The following SCN10A variants were observed in gnomAD, a reference collection of about 807,000 sequenced individuals.
SCN10A encodes sodium voltage-gated channel alpha subunit 10, also known as sodium channel protein type 10 subunit alpha.
A neutral mutation model predicts 170.7 loss-of-function variants in SCN10A; 162 were observed. The observed-to-expected ratio is 0.95, with a 90% CI of 0.84 to 1.08. SCN10A has a LOEUF of 1.08. Among genes scored for constraint, SCN10A ranks in the 50% least tolerant of loss-of-function variants. The probability of loss-of-function intolerance (pLI) is 0.00; values close to 1 mark genes in which losing one functional copy is unlikely to be tolerated. For missense variants in SCN10A, 2,527 were observed against 2,436.9 expected (o/e 1.04, Z -0.78); for synonymous variants, 985 against 904.6 (o/e 1.09, Z -1.59).
intron 5 of SCN10A, among the ~76,000 whole-genome samples, chr3:38,764,734 A>G (rs1420759718): frequency 6.6e-6 from 1 of 152,210 alleles, no homozygotes; most frequent in African/African-American, 2.4e-5. Context: ...GATACCCAGT[A>G]GTGGGATTGC....
intron 1 of SCN10A, among the ~76,000 whole-genome samples, chr3:38,814,649 T>A (rs1043898647): frequency 6.6e-6 from 1 of 152,246 alleles, no homozygotes; most frequent in Non-Finnish European, 1.5e-5. Context: ...TGTAGGTATG[T>A]GCTCTTTCAT....
At chr3:38,789,697 G>C (rs55791366) in intron 3 of SCN10A, among the ~76,000 whole-genome samples, 15,905 of 152,042 alleles carry the variant, frequency 0.1, 928 homozygotes, top group Non-Finnish European at 0.12. Context: ...GATTAGGCTG[G>C]AGTGGAGAAC....
intron 15 of SCN10A, among the ~76,000 whole-genome samples, chr3:38,730,610 T>C (rs2063504558): frequency 6.6e-6 from 1 of 151,938 alleles, no homozygotes; most frequent in Non-Finnish European, 1.5e-5. Context: ...ATATAATATG[T>C]TAAAGAAATA....
rs2063400844 is a variant in SCN10A, at chr3:38,722,418, G to A, written c.3353-6C>T. 4 of 1,612,670 alleles carry A rather than the reference G, an allele frequency of 2.5e-6. 1 individual carries two copies. The highest frequency in any genetic ancestry group is 3.4e-6 in the Non-Finnish European group (4 of 1,179,314). The stretch of plus-strand genomic sequence containing the variant: ...GGGACAGTGGCGAATGCATCCTGTG[G>A]GGAGAGGTGACTGATGGTGGGTGAT... On this transcript the variant is annotated splice_region_variant and splice_polypyrimidine_tract_variant and intron_variant, in intron 19 of 27. Transcript: ENST00000449082.
At chr3:38,761,409 C>T in intron 6 of SCN10A, 26 bp from the exon 7 acceptor site, 3 of 1,597,586 alleles carry the variant, frequency 1.9e-6, no homozygotes, top group South Asian at 1.1e-5. Context: ...AGTGGTATGA[C>T]CACATGGATG....
chr3:38,798,326 G>A (rs1202153191), intron 1 of SCN10A, among the ~76,000 whole-genome samples: 1 of 152,132 alleles, frequency 6.6e-6, no homozygotes, highest in African/African-American at 2.4e-5. Flanking sequence ...ACTTACTTCA[G>A]TGGCCAGAGA....
chr3:38,773,356 C>G (rs930985299), intron 4 of SCN10A, among the ~76,000 whole-genome samples: 1 of 151,850 alleles, frequency 6.6e-6, no homozygotes, highest in Non-Finnish European at 1.5e-5. Context: ...AACATATATG[C>G]GATCCAGGGA....
Position 38,771,404 on chromosome 3 carries a change from A to G in SCN10A, c.474T>C (p.Tyr158=). Residue 158 remains tyrosine (Y), a synonymous_variant, in exon 5 of 28, where the codon TAT becomes TAC. Coordinates refer to ENST00000449082, the MANE Select transcript of SCN10A (RefSeq NM_006514.4). ...TRTDLPEKIE[Y]VFTVIYTFEA... ...CAAAGGTGTAAATGACAGTGAAGAC[A>G]TATCTGGGAAGGAGGGTAGAAAAGG... is the stretch of plus-strand genomic sequence containing the variant. 2.5e-6 allele frequency: 4 copies of G among 1,613,870 alleles called. No individual in the cohort carries two copies. Among genetic ancestry groups the G allele is most frequent in the South Asian group, 1.1e-5 (1 of 91,050 alleles).
chr3:38,803,912 T>G (rs1035284347), intron 1 of SCN10A, among the ~76,000 whole-genome samples: 1 of 152,180 alleles, frequency 6.6e-6, no homozygotes, highest in Non-Finnish European at 1.5e-5. Flanking sequence ...TCACAGCCAC[T>G]GCTAACCATG....
intron 1 of SCN10A, among the ~76,000 whole-genome samples, chr3:38,796,853 C>T (rs2064344106): frequency 6.6e-6 from 1 of 151,962 alleles, no homozygotes; most frequent in Non-Finnish European, 1.5e-5. Context: ...ATTGTTTCTA[C>T]CAAATTGTAA....
At chr3:38,791,119 C>T (rs2064275305) in intron 3 of SCN10A, among the ~76,000 whole-genome samples, 1 of 152,084 alleles carries the variant, frequency 6.6e-6, no homozygotes, top group Admixed American at 6.6e-5. Context: ...TTTACTGAAG[C>T]CTTCTAAGAA....
intron 4 of SCN10A, among the ~76,000 whole-genome samples, chr3:38,781,410 T>C (rs1347193225): frequency 2.0e-5 from 3 of 152,112 alleles, no homozygotes; most frequent in Admixed American, 2.0e-4. Flanking sequence ...CAGCTGGCAT[T>C]GGTCAACAGA....
At chr3:38,739,467 C>T (rs371452205) in intron 15 of SCN10A, 48 bp downstream of exon 15, 3 of 1,567,112 alleles carry the variant, frequency 1.9e-6, no homozygotes, top group Non-Finnish European at 2.6e-6. Flanking sequence ...AGTGTCTTCC[C>T]TGAATCTGGG....
At chr3:38,714,200 C>A in intron 21 of SCN10A, 120 bp from the exon 22 acceptor site, 1 of 1,214,330 alleles carries the variant, frequency 8.2e-7, no homozygotes, top group Admixed American at 2.2e-5. Flanking sequence ...ATCATCCTAG[C>A]TCCCACCTTA....
intron 11 of SCN10A, among the ~76,000 whole-genome samples, chr3:38,754,154 C>G (rs1165421174): frequency 1.3e-5 from 2 of 152,206 alleles, no homozygotes; most frequent in African/African-American, 4.8e-5. Context: ...TCCCCAAACT[C>G]TCTCAAGTCT....
intron 1 of SCN10A, among the ~76,000 whole-genome samples, chr3:38,811,452 C>CA (rs11400508): frequency 0.18 from 22,917 of 127,852 alleles, 1,971 homozygotes; most frequent in South Asian, 0.3. Flanking sequence ...GACTCCATCT[C>CA]AAAAAAAAAA....
intron 26 of SCN10A, among the ~76,000 whole-genome samples, chr3:38,702,710 G>A (rs1240908259): frequency 6.6e-6 from 1 of 152,192 alleles, no homozygotes; most frequent in Non-Finnish European, 1.5e-5. Context: ...ACTTATTCTT[G>A]GAAATGTTCC....
chr3:38,806,493 G>A (rs966248299), intron 1 of SCN10A, among the ~76,000 whole-genome samples: 8 of 152,110 alleles, frequency 5.3e-5, no homozygotes, highest in African/African-American at 1.9e-4. Context: ...AGATAGTGTG[G>A]TTTTGTTGAA....
rs564222571 is a variant in SCN10A, at chr3:38,707,368, T to C, written c.4297A>G (p.Ile1433Val). The change falls in exon 26 of 28, where the codon ATC becomes GTC. Residue 1433 changes from isoleucine (I) to valine (V), a missense_variant. Physicochemically the swap from Ile to Val is conservative, Grantham distance 29. Transcript: ENST00000449082. ...QQKKKLGGQDIFMTEEQKKYY... is the reference protein window; with the variant it reads ...QQKKKLGGQDVFMTEEQKKYY... ...TTCTTCTGCTCCTCTGTCATGAAGA[T>C]GTCCTGGCCCCCTAAGTGCAGAGAG... 6.2e-7 allele frequency: 1 copy of C among 1,614,138 alleles called. No individual in the cohort carries two copies. The highest frequency in any genetic ancestry group is 1.1e-5 in the South Asian group (1 of 91,078).
Sources: allele counts gnomAD v4.1 joint callset (sites outside exome capture counted in the v4.1 genomes callset), GRCh38; gene constraint gnomAD v4.1.1; transcripts MANE v1.5; gene names NCBI Gene and HGNC (gene_info 2026-07-23, HGNC 2026-07-21).